Variants in INSL6 observed in about 807,000 individuals in gnomAD.
INSL6 encodes insulin-like peptide INSL6.
INSL6 carries 16 observed loss-of-function variants against 9.4 expected under a neutral mutation model. That is an observed-to-expected ratio of 1.70 (90% CI 1.15 to 2.59). The LOEUF (loss-of-function observed/expected upper bound fraction) is 2.59. INSL6 is among the 30% of genes most tolerant of loss of function. INSL6 has a pLI of 0.00. For missense variants in INSL6, 391 were observed against 257.3 expected (o/e 1.52, Z -3.56); for synonymous variants, 154 against 96.9 (o/e 1.59, Z -3.46).
At chr9:5,152,640 T>C (rs909693783) in intron 2 of INSL6, among the ~76,000 whole-genome samples, 2 of 152,106 alleles carry the variant, frequency 1.3e-5, no homozygotes, top group Non-Finnish European at 2.9e-5. Context: ...GACTATTAAC[T>C]TGATAATCAG....
chr9:5,048,566 T>C, the INSL6 span, among the ~76,000 whole-genome samples: 1 of 152,166 alleles, frequency 6.6e-6, no homozygotes, highest in South Asian at 2.1e-4. Flanking sequence ...AATAAGTGTT[T>C]AAAATTGAGC....
chr9:5,081,255 T>C, the INSL6 span, among the ~76,000 whole-genome samples: 403 of 99,846 alleles, frequency 4.0e-3, 1 homozygote, highest in African/African-American at 0.024. Flanking sequence ...TTGTAAATTA[T>C]AGTATTTTTT....
At chr9:5,075,070 A>G in the INSL6 span, among the ~76,000 whole-genome samples, 2 of 152,018 alleles carry the variant, frequency 1.3e-5, no homozygotes, top group African/African-American at 4.8e-5. Context: ...AATCTAGAGC[A>G]AGATCTTAAT....
At chr9:5,074,284 A>G in the INSL6 span, among the ~76,000 whole-genome samples, 1 of 152,114 alleles carries the variant, frequency 6.6e-6, no homozygotes, top group East Asian at 1.9e-4. Context: ...AATACTATAC[A>G]GGCATGCCTC....
intron 3 of INSL6, chr9:5,127,809 C>G: frequency 4.3e-6 from 1 of 232,452 alleles, no homozygotes. Context: ...TTCCTAAAGA[C>G]TGTATATTTG....
downstream of INSL6, chr9:5,123,192 A>C (rs1347843076): frequency 6.6e-6 from 7 of 1,066,196 alleles, no homozygotes; most frequent in Non-Finnish European, 9.8e-6. Flanking sequence ...ATGGGGTACA[A>C]GTACAATTTT....
chr9:5,125,205 T>C (rs1366645628), intron 3 of INSL6, among the ~76,000 whole-genome samples: 1 of 151,174 alleles, frequency 6.6e-6, no homozygotes. Flanking sequence ...TATAAAAGTA[T>C]ATACAAAGAA....
the INSL6 span, among the ~76,000 whole-genome samples, chr9:5,067,075 A>C: frequency 6.6e-6 from 1 of 151,994 alleles, no homozygotes; most frequent in Non-Finnish European, 1.5e-5. Context: ...TATTTCATCA[A>C]GTGTCTTGAT....
chr9:5,164,187 G>A lies in INSL6; in HGVS notation c.368C>T (p.Ser123Leu), dbSNP rs761301478. 6 of 1,606,608 alleles carry A rather than the reference G, an allele frequency of 3.7e-6. No homozygotes were observed. In the Admixed American group the frequency reaches 6.8e-5, roughly 18 times the overall value. ...LPEYKDKKGYSPLGKTREFSS... is the reference protein window; with the variant it reads ...LPEYKDKKGYLPLGKTREFSS... ...AAATTCTCTTGTCTTACCAAGGGGT[G>A]AATATCCCTTTTTATCCTTATACTC... The change falls in exon 2 of 2, where the codon TCA becomes TTA. Residue 123 changes from serine to leucine, a missense_variant. Transcript: ENST00000381641.
chr9:5,114,618 C>T, the INSL6 span: 1 of 485,606 alleles, frequency 2.1e-6, no homozygotes, highest in Non-Finnish European at 4.1e-6. Flanking sequence ...CGAGGTGCAG[C>T]TCCCGGACAC....
intron 2 of INSL6, among the ~76,000 whole-genome samples, chr9:5,137,468 C>T (rs1824407350): frequency 6.6e-6 from 1 of 152,030 alleles, no homozygotes; most frequent in South Asian, 2.1e-4. Context: ...TAACACCACA[C>T]ATCTACAACC....
chr9:4,994,668 T>A, the INSL6 span, among the ~76,000 whole-genome samples: 1 of 152,210 alleles, frequency 6.6e-6, no homozygotes, highest in Non-Finnish European at 1.5e-5. Context: ...GGCTCATGGC[T>A]GTGTTCTCAT....
chr9:5,080,488 T>G, the INSL6 span: 1 of 1,549,360 alleles, frequency 6.5e-7, no homozygotes, highest in Non-Finnish European at 8.7e-7. Flanking sequence ...AAGGTTGGTG[T>G]GGCATTACAC....
the INSL6 span, among the ~76,000 whole-genome samples, chr9:5,015,742 A>G: frequency 1.8e-4 from 27 of 152,300 alleles, no homozygotes; most frequent in African/African-American, 6.3e-4. Context: ...CAAAGCATCA[A>G]TGCATTTTCT....
At chr9:5,002,247 A>G in the INSL6 span, among the ~76,000 whole-genome samples, 1,322 of 151,316 alleles carry the variant, frequency 8.7e-3, 16 homozygotes, top group African/African-American at 0.03. Flanking sequence ...AATTAATTTC[A>G]TATCTTTCTT....
At chr9:5,076,297 A>G in the INSL6 span, among the ~76,000 whole-genome samples, 5 of 152,180 alleles carry the variant, frequency 3.3e-5, no homozygotes, top group Non-Finnish European at 5.9e-5. Context: ...AAGGCTATCA[A>G]ACAGCATTGC....
chr9:5,114,359 C>CA, the INSL6 span: 2 of 534,408 alleles, frequency 3.7e-6, no homozygotes, highest in Non-Finnish European at 7.4e-6. Flanking sequence ...AGAAGCAGTG[C>CA]AATGGCACGT....
At chr9:5,039,684 T>C in the INSL6 span, among the ~76,000 whole-genome samples, 1 of 152,076 alleles carries the variant, frequency 6.6e-6, no homozygotes, top group Non-Finnish European at 1.5e-5. Flanking sequence ...TGTATTTCTA[T>C]ACAGAGACAA....
the INSL6 span, among the ~76,000 whole-genome samples, chr9:5,028,447 T>C: frequency 6.6e-6 from 1 of 152,192 alleles, no homozygotes; most frequent in East Asian, 1.9e-4. Flanking sequence ...TGGCCATAGA[T>C]TTTCAGAATG....
Sources: gnomAD v4.1 joint callset for allele counts (sites outside exome capture counted in the v4.1 genomes callset) on GRCh38, gnomAD v4.1.1 for gene constraint, MANE v1.5 for transcripts, NCBI Gene and HGNC (gene_info 2026-07-23, HGNC 2026-07-21) for gene names.